ZNF24: variants seen among roughly 807,000 people sequenced by gnomAD.
ZNF24 encodes the protein zinc finger protein 24.
Under a neutral mutation model 40.9 loss-of-function variants are expected in ZNF24, and 11 were observed. The observed-to-expected ratio is 0.27, with a 90% CI of 0.17 to 0.45. The LOEUF (loss-of-function observed/expected upper bound fraction) is 0.45, where lower values mean the gene tolerates loss of function less well. Among genes scored for constraint, ZNF24 ranks in the 20% least tolerant of loss-of-function variants. ZNF24 has a pLI of 1.00. For synonymous variants in ZNF24, 139 were observed against 154.7 expected, an observed-to-expected ratio of 0.90 and a Z score of 0.75; for missense variants, 293 against 437.7, an observed-to-expected ratio of 0.67 and a Z score of 2.95.
intron 1 of ZNF24, among the ~76,000 whole-genome samples, chr18:35,341,664 A>G (rs2044969329): frequency 6.6e-6 from 1 of 152,150 alleles, no homozygotes; most frequent in African/African-American, 2.4e-5. Context: ...GATAATCCAG[A>G]CCCTGTGTAA....
rs974226207 is a variant in ZNF24, at chr18:35,335,150, C to A, written c.*2082G>T. On this transcript the variant is annotated 3_prime_UTR_variant, in exon 4 of 4. Coordinates refer to ENST00000261332, the MANE Select transcript of ZNF24 (RefSeq NM_006965.4). ...GATACAAGAATTCTGTCATTCCAGCCGTCTTCCAAATATGCCACCTGAAAA... is the reference window on the plus strand; with the variant it reads ...GATACAAGAATTCTGTCATTCCAGCAGTCTTCCAAATATGCCACCTGAAAA... 6.6e-6 allele frequency: 1 copy of A among 152,094 alleles called. No homozygotes were observed. The allele number at this position is 152,094 out of a possible 1,614,324, so 9.4% of individuals were successfully genotyped here.
At chr18:35,339,732 T>C in intron 3 of ZNF24, 97 bp downstream of exon 3, 3 of 1,112,328 alleles carry the variant, frequency 2.7e-6, no homozygotes, top group Non-Finnish European at 3.7e-6. Context: ...AGATTAAGAG[T>C]GATATGATCC....
In ZNF24 at chr18:35,334,627, CCAAA is replaced by C. The variant is rs1346558397; in HGVS notation, c.*2601_*2604del. 8.3e-5 allele frequency: 12 copies of C among 144,612 alleles called. No individual in the cohort carries two copies. Among genetic ancestry groups the C allele is most frequent in the Non-Finnish European group, 1.1e-4 (7 of 66,204 alleles). The allele number at this position is 144,612 out of a possible 1,614,324, so 9.0% of individuals were successfully genotyped here. On this transcript the variant is annotated 3_prime_UTR_variant, in exon 4 of 4. Transcript: ENST00000261332. ...CCTAAAATGACTGCTCATTTGCTAA[CCAAA>C]CAGATACTCTGGCGATGCCACTGCT...
In ZNF24 at chr18:35,333,108, A is replaced by G. The variant is rs902219258; in HGVS notation, c.*4124T>C. 4 of 152,282 alleles carry G rather than the reference A, an allele frequency of 2.6e-5. 1 individual carries two copies. The highest frequency in any genetic ancestry group is 4.1e-4 in the South Asian group (2 of 4,828). The allele number at this position is 152,282 out of a possible 1,614,324, so 9.4% of individuals were successfully genotyped here. A position where few individuals can be genotyped will look rare whatever the true frequency, so the allele number is the denominator to read the frequency against. On this transcript the variant is annotated 3_prime_UTR_variant, in exon 4 of 4. Coordinates refer to ENST00000261332, the MANE Select transcript of ZNF24 (RefSeq NM_006965.4). ...TTGATCCAAAAATCCACCTTACTGG[A>G]CTCCAGACTAAAGAAATATTCACAC...
Position 35,337,490 on chromosome 18 carries a change from C to T in ZNF24, c.849G>A (p.Glu283=), listed in dbSNP as rs764567529. The part of the protein sequence containing the change: ...HSGEKPYGCV[E]CGKAFSRSSI... ...AACTTCGGCTGAATGCTTTCCCACA[C>T]TCAACACATCCATAAGGTTTCTCCC... Residue 283 remains glutamate (E), a synonymous_variant, in exon 4 of 4, where the codon GAG becomes GAA. Coordinates refer to ENST00000261332, the MANE Select transcript of ZNF24 (RefSeq NM_006965.4). 2.5e-6 allele frequency: 4 copies of T among 1,614,016 alleles called. No homozygotes were observed. Among genetic ancestry groups the T allele is most frequent in the Non-Finnish European group, 3.4e-6 (4 of 1,179,882 alleles).
chr18:35,333,117 T>C lies in ZNF24; in HGVS notation c.*4115A>G, dbSNP rs990782374. 1 of 152,104 alleles carries C rather than the reference T, an allele frequency of 6.6e-6. No individual in the cohort carries two copies. The highest frequency in any genetic ancestry group is 6.6e-5 in the Admixed American group (1 of 15,260). 9.4% of individuals were successfully genotyped at this position (152,104 alleles called of 1,614,324 possible). The stretch of plus-strand genomic sequence containing the variant: ...AAATCCACCTTACTGGACTCCAGAC[T>C]AAAGAAATATTCACACACATGCACA... On this transcript the variant is annotated 3_prime_UTR_variant, in exon 4 of 4. Coordinates refer to ENST00000261332, the MANE Select transcript of ZNF24 (RefSeq NM_006965.4).
rs1486848266 is a variant in ZNF24, at chr18:35,336,153, G to A, written c.*1079C>T. ...GTGGAAGAAATACCTACCTACTTAT[G>A]GTAGGATTACAGTACCTAGCACAGT... On this transcript the variant is annotated 3_prime_UTR_variant, in exon 4 of 4. Transcript: ENST00000261332. 6.6e-6 allele frequency: 1 copy of A among 152,594 alleles called. No individual in the cohort carries two copies. Among genetic ancestry groups the A allele is most frequent in the African/African-American group, 2.4e-5 (1 of 41,432 alleles). 9.5% of individuals were successfully genotyped at this position (152,594 alleles called of 1,614,324 possible).
Position 35,338,668 on chromosome 18 carries a change from A to G in ZNF24, c.569-898T>C, listed in dbSNP as rs992295744. 10 of 1,050,606 alleles carry G rather than the reference A, an allele frequency of 9.5e-6. No homozygotes were observed. In the African/African-American group the frequency reaches 1.2e-4, roughly 13 times the overall value. 65.1% of individuals were successfully genotyped at this position (1,050,606 alleles called of 1,614,324 possible). ...AAGATCAAGTCAGGAGATAAGGCTA[A>G]GAGAGAGAGACTGAAAGGTTAGAGG... On this transcript the variant is annotated intron_variant, in intron 3 of 3. Transcript: ENST00000261332.
In ZNF24 at chr18:35,336,228, G is replaced by C. The variant is rs921191400; in HGVS notation, c.*1004C>G. The C allele has an allele frequency of 3.3e-5, 5 of 152,602 alleles. No homozygotes were observed. The highest frequency in any genetic ancestry group is 1.3e-4 in the Admixed American group (2 of 15,280). The allele number at this position is 152,602 out of a possible 1,614,324, so 9.5% of individuals were successfully genotyped here. A position where few individuals can be genotyped will look rare whatever the true frequency, so the allele number is the denominator to read the frequency against. On this transcript the variant is annotated 3_prime_UTR_variant, in exon 4 of 4. Transcript: ENST00000261332. The stretch of plus-strand genomic sequence containing the variant: ...TAATAAATGCATGGCTGCTTTTTTA[G>C]CCTGACGTTCAACCCTTTTGTACCA...
intron 3 of ZNF24, chr18:35,338,125 T>C (rs919126528): frequency 1.0e-6 from 1 of 966,814 alleles, no homozygotes; most frequent in Non-Finnish European, 1.2e-6. Context: ...AATTGGCCAC[T>C]AGGAAATCAT....
Position 35,337,529 on chromosome 18 carries a change from T to G in ZNF24, c.810A>C (p.Gln270His). The G allele has an allele frequency of 6.2e-7, 1 of 1,614,200 alleles. No individual in the cohort carries two copies. The highest frequency in any genetic ancestry group is 8.5e-7 in the Non-Finnish European group (1 of 1,179,998). Residue 270 changes from glutamine to histidine, a missense_variant, in exon 4 of 4, where the codon CAA becomes CAC. Physicochemically the swap from Gln to His is conservative, Grantham distance 24. Coordinates refer to ENST00000261332, the MANE Select transcript of ZNF24 (RefSeq NM_006965.4). ...FSQGSALILHQRIHSGEKPYG... is the reference protein window; with the variant it reads ...FSQGSALILHHRIHSGEKPYG... ...AAGGTTTCTCCCCACTGTGAATTCT[T>G]TGATGAAGAATAAGGGCTGAGCCCT...
rs550897265 is a variant in ZNF24 at position 35,340,914 on chromosome 18, A to G, written c.-83-181T>C. Among the ~76,000 whole-genome samples the G allele has an allele frequency of 1.3e-5, 2 of 152,220 alleles. No individual in the cohort carries two copies. The highest frequency in any genetic ancestry group is 2.9e-5 in the Non-Finnish European group (2 of 68,036). On this transcript the variant is annotated intron_variant, in intron 1 of 3. Coordinates refer to ENST00000261332, the MANE Select transcript of ZNF24 (RefSeq NM_006965.4). This position sits in a 1 kb window ranked among gnomAD's most constrained non-coding sequence, Gnocchi z 4.6. ...TCTAGCCTGCCACCCATTTCTGTAC[A>G]ACACTTGCACCAACAATAATTTTCA... is the stretch of plus-strand genomic sequence containing the variant.
At position 35,333,531 on chromosome 18, in the gene ZNF24, G is replaced by C. The variant is rs1197489964; in HGVS notation, c.*3701C>G. ...AATGGGCAAAAGCAATTCATAATAG[G>C]AAATGCAAATGGCCAAGAAACATGA... On this transcript the variant is annotated 3_prime_UTR_variant, in exon 4 of 4. Coordinates refer to ENST00000261332, the MANE Select transcript of ZNF24 (RefSeq NM_006965.4). The C allele has an allele frequency of 6.6e-6, 1 of 152,012 alleles. No homozygotes were observed. Among genetic ancestry groups the C allele is most frequent in the Non-Finnish European group, 1.5e-5 (1 of 67,994 alleles). 9.4% of individuals were successfully genotyped at this position (152,012 alleles called of 1,614,324 possible).
Position 35,340,581 on chromosome 18 carries a change from G to C in ZNF24, c.70C>G (p.Leu24Val). The stretch of plus-strand genomic sequence containing the variant: ...GGATCCTCCTCCAACTTCACTCTCA[G>C]AATTTTTTCCTCTTCATCTGGAGTT... ...IPTPDEEEKILRVKLEEDPDG... is the reference protein window; with the variant it reads ...IPTPDEEEKIVRVKLEEDPDG... Residue 24 changes from leucine (L) to valine (V), a missense_variant, in exon 2 of 4, where the codon CTG (leucine) becomes GTG (valine). Physicochemically the swap from Leu to Val is conservative, Grantham distance 32. Coordinates refer to ENST00000261332, the MANE Select transcript of ZNF24 (RefSeq NM_006965.4). This position sits in a 1 kb window ranked among gnomAD's most constrained non-coding sequence, Gnocchi z 4.6. 6.2e-7 allele frequency: 1 copy of C among 1,614,172 alleles called. No individual in the cohort carries two copies. Among genetic ancestry groups the C allele is most frequent in the East Asian group, 2.2e-5 (1 of 44,878 alleles).
Position 35,340,715 on chromosome 18 carries a change from G to A in ZNF24, c.-65C>T. On this transcript the variant is annotated 5_prime_UTR_variant, in exon 2 of 4. It adds an upstream start codon to the 5' untranslated region. Coordinates refer to ENST00000261332, the MANE Select transcript of ZNF24 (RefSeq NM_006965.4). The surrounding 1 kb of genome is among the most constrained non-coding windows in gnomAD (Gnocchi z 4.6). ...AATATAAGCCTCAGGGCAATACCCC[G>A]TTTTCTTCACAGGCACTCCTGAGGC... The A allele has an allele frequency of 4.8e-6, 7 of 1,473,194 alleles. No individual in the cohort carries two copies. The Admixed American group carries it at 8.2e-5, about 17-fold the overall frequency. 91.3% of individuals were successfully genotyped at this position (1,473,194 alleles called of 1,614,324 possible).
rs1348364497 is a variant in ZNF24, at chr18:35,340,276, T to C, written c.375A>G (p.Thr125=). The change falls in exon 2 of 4, where the codon ACA becomes ACG. Residue 125 remains threonine (T), a synonymous_variant. Coordinates refer to ENST00000261332, the MANE Select transcript of ZNF24 (RefSeq NM_006965.4). The surrounding 1 kb of genome is among the most constrained non-coding windows in gnomAD (Gnocchi z 4.6). ...GTTCACTCTCCAAATCCTCCAGCAC[T>C]GTCACTGCCTCCTCTCCATTCTCTG... ...HHPENGEEAV[T]VLEDLESELD... 2 of 1,614,108 alleles carry C rather than the reference T, an allele frequency of 1.2e-6. No individual in the cohort carries two copies. Among genetic ancestry groups the C allele is most frequent in the South Asian group, 1.1e-5 (1 of 91,094 alleles).
intron 3 of ZNF24, chr18:35,338,831 T>C: frequency 7.4e-7 from 1 of 1,344,858 alleles, no homozygotes; most frequent in Non-Finnish European, 9.5e-7. Flanking sequence ...GAAAAGTCAC[T>C]CTAAAATTCA....
rs937986138 is a variant in ZNF24, at chr18:35,333,111, C to A, written c.*4121G>T. Reference sequence around the variant, plus strand: ...ATCCAAAAATCCACCTTACTGGACTCCAGACTAAAGAAATATTCACACACA... The same window carrying A: ...ATCCAAAAATCCACCTTACTGGACTACAGACTAAAGAAATATTCACACACA... On this transcript the variant is annotated 3_prime_UTR_variant, in exon 4 of 4. Transcript: ENST00000261332. 3.3e-5 allele frequency: 5 copies of A among 151,984 alleles called. No homozygotes were observed. Among genetic ancestry groups the A allele is most frequent in the South Asian group, 4.1e-4 (2 of 4,822 alleles). The allele number at this position is 151,984 out of a possible 1,614,324, so 9.4% of individuals were successfully genotyped here.
intron 1 of ZNF24, among the ~76,000 whole-genome samples, chr18:35,341,276 C>T (rs950860749): frequency 1.3e-5 from 2 of 152,154 alleles, no homozygotes; most frequent in Non-Finnish European, 2.9e-5. Flanking sequence ...CTGAAAAATT[C>T]AAGATTCACC....
Sources: gnomAD v4.1 joint callset for allele counts (sites outside exome capture counted in the v4.1 genomes callset) on GRCh38, gnomAD v4.1.1 for gene constraint, Gnocchi (gnomAD v3.1) non-coding constraint, MANE v1.5 for transcripts, NCBI Gene and HGNC (gene_info 2026-07-23, HGNC 2026-07-21) for gene names.